The following VEGFC variants were observed in gnomAD, a reference collection of about 807,000 sequenced individuals.
The protein encoded by VEGFC is FLT4 ligand DHM.
VEGFC carries 12 observed loss-of-function variants against 46.1 expected under a neutral mutation model. The observed-to-expected ratio is 0.26, with a 90% CI of 0.17 to 0.42. The LOEUF (loss-of-function observed/expected upper bound fraction) is 0.42. Ranked by LOEUF, VEGFC falls within the 10% of genes least tolerant of loss-of-function variation. The pLI, the probability that VEGFC is intolerant of heterozygous loss-of-function variation, is 1.00. For missense variants in VEGFC, 488 were observed against 529.4 expected (o/e 0.92, Z 0.77); for synonymous variants, 232 against 195.5 (o/e 1.19, Z -1.56).
chr4:176,768,639 T>C (rs1735673798), intron 1 of VEGFC, among the ~76,000 whole-genome samples: 1 of 151,558 alleles, frequency 6.6e-6, no homozygotes, highest in Non-Finnish European at 1.5e-5. Context: ...GAGAACACCT[T>C]TGGTATGCAA....
intron 1 of VEGFC, among the ~76,000 whole-genome samples, chr4:176,770,423 A>ATATAT: frequency 3.9e-5 from 6 of 152,028 alleles, no homozygotes; most frequent in African/African-American, 1.2e-4. Context: ...TTTTTGTGGA[A>ATATAT]ACAGTTTAAG....
chr4:176,772,329 A>G (rs1439438544), intron 1 of VEGFC, among the ~76,000 whole-genome samples: 1 of 152,134 alleles, frequency 6.6e-6, no homozygotes, highest in Non-Finnish European at 1.5e-5. Flanking sequence ...TTAAGTTCTC[A>G]TGTTTTATAA....
chr4:176,690,877 T>A (rs913082846), intron 4 of VEGFC, among the ~76,000 whole-genome samples: 4 of 152,214 alleles, frequency 2.6e-5, no homozygotes, highest in Admixed American at 1.3e-4. Flanking sequence ...TCTTTCATTT[T>A]ACCAACATGT....
intron 1 of VEGFC, among the ~76,000 whole-genome samples, chr4:176,771,576 T>G (rs190164404): frequency 6.6e-6 from 1 of 152,314 alleles, no homozygotes; most frequent in Admixed American, 6.5e-5. Context: ...TTTTCCATTT[T>G]TGTATTTCTT....
chr4:176,780,282 G>A (rs1351559319), intron 1 of VEGFC, among the ~76,000 whole-genome samples: 1 of 150,932 alleles, frequency 6.6e-6, no homozygotes, highest in Non-Finnish European at 1.5e-5. Context: ...TCAGAAGGCT[G>A]AAGCAGGGAG....
chr4:176,692,039 G>T (rs1395307578), intron 4 of VEGFC, among the ~76,000 whole-genome samples: 2 of 152,006 alleles, frequency 1.3e-5, no homozygotes, highest in South Asian at 2.1e-4. Flanking sequence ...AGGGGTGAGG[G>T]GCAGCACCTG....
At chr4:176,710,692 G>A (rs964230444) in intron 4 of VEGFC, among the ~76,000 whole-genome samples, 14 of 152,080 alleles carry the variant, frequency 9.2e-5, no homozygotes, top group African/African-American at 3.4e-4. Flanking sequence ...CATATGCACC[G>A]GATATCCTAA....
intron 4 of VEGFC, among the ~76,000 whole-genome samples, chr4:176,703,398 T>C (rs1579095451): frequency 6.6e-6 from 1 of 152,160 alleles, no homozygotes. Flanking sequence ...TCTCATGTTC[T>C]CACTCATTTA....
chr4:176,684,495 C>T (rs1413732916), intron 6 of VEGFC, among the ~76,000 whole-genome samples: 2 of 152,128 alleles, frequency 1.3e-5, no homozygotes, highest in Non-Finnish European at 2.9e-5. Context: ...TGAGCAGCCC[C>T]ACCCTCACTC....
chr4:176,755,721 A>G (rs1245370066), intron 1 of VEGFC, among the ~76,000 whole-genome samples: 1 of 152,096 alleles, frequency 6.6e-6, no homozygotes, highest in African/African-American at 2.4e-5. Context: ...TCCTACTGAT[A>G]CACATATTTG....
chr4:176,693,112 A>G (rs1423716916), intron 4 of VEGFC, among the ~76,000 whole-genome samples: 1 of 152,194 alleles, frequency 6.6e-6, no homozygotes, highest in East Asian at 1.9e-4. Flanking sequence ...CAGCAATGGA[A>G]CAAAGCTGGA....
chr4:176,757,360 G>T (rs748991094), intron 1 of VEGFC, among the ~76,000 whole-genome samples: 1 of 151,956 alleles, frequency 6.6e-6, no homozygotes, highest in Non-Finnish European at 1.5e-5. Context: ...CTAGATCTGT[G>T]ATAAAAGCTT....
At chr4:176,709,342 T>C (rs745467992) in intron 4 of VEGFC, among the ~76,000 whole-genome samples, 3 of 152,102 alleles carry the variant, frequency 2.0e-5, no homozygotes, top group Non-Finnish European at 4.4e-5. Flanking sequence ...TATTTTTGAG[T>C]GTTGTTAGCT....
intron 4 of VEGFC, among the ~76,000 whole-genome samples, chr4:176,697,196 C>G (rs1452375657): frequency 6.6e-6 from 1 of 151,132 alleles, no homozygotes; most frequent in Non-Finnish European, 1.5e-5. Flanking sequence ...AGTGAACAGG[C>G]AACCTACAAA....
In VEGFC at chr4:176,692,633, A is replaced by G. The variant is rs1188980244; in HGVS notation, c.705-4706T>C. Among the ~76,000 whole-genome samples, 10 of 144,276 alleles carry G rather than the reference A, an allele frequency of 6.9e-5. No homozygotes were observed. The East Asian group carries it at 2.0e-3, about 28-fold the overall frequency. 94.7% of individuals were successfully genotyped at this position (144,276 alleles called of 152,430 possible). A position where few individuals can be genotyped will look rare whatever the true frequency, so the allele number is the denominator to read the frequency against. On this transcript the variant is annotated intron_variant, in intron 4 of 6. Coordinates refer to ENST00000618562, the MANE Select transcript of VEGFC (RefSeq NM_005429.5). ...ACTGGGTGGAGCCCACCACAGCTCA[A>G]GGAGGCCTGCCTGCCTCTGTAGGCT...
At position 176,747,113 on chromosome 4, in the gene VEGFC, T is replaced by C. The variant is rs138048323; in HGVS notation, c.148-17367A>G. On this transcript the variant is annotated intron_variant, in intron 1 of 6. Transcript: ENST00000618562. The stretch of plus-strand genomic sequence containing the variant: ...GCTTTGACATCATGGAAATATATCA[T>C]GGGATTGTATCCTGTTACATCATGC... Among the ~76,000 whole-genome samples, 294 of 152,244 alleles carry C rather than the reference T, an allele frequency of 1.9e-3. 2 individuals carry two copies. The highest frequency in any genetic ancestry group is 6.8e-3 in the African/African-American group (282 of 41,566).
Position 176,785,633 on chromosome 4 carries a change from TC to T in VEGFC, c.147+6531del, listed in dbSNP as rs549888864. Among the ~76,000 whole-genome samples the T allele has an allele frequency of 1.1e-3, 68 of 63,338 alleles. No individual in the cohort carries two copies. The East Asian group carries it at 0.39, about 366-fold the overall frequency. The allele number at this position is 63,338 out of a possible 152,430, so 41.6% of individuals were successfully genotyped here. A position where few individuals can be genotyped will look rare whatever the true frequency, so the allele number is the denominator to read the frequency against. On this transcript the variant is annotated intron_variant, in intron 1 of 6. Coordinates refer to ENST00000618562, the MANE Select transcript of VEGFC (RefSeq NM_005429.5). ...CCAGGACACTTTAGGGTTCTCTCCT[TC>T]TCTTTTTTTTCAATTGCCCACTGAC...
At chr4:176,709,929 T>C (rs951301131) in intron 4 of VEGFC, among the ~76,000 whole-genome samples, 1 of 152,114 alleles carries the variant, frequency 6.6e-6, no homozygotes, top group Non-Finnish European at 1.5e-5. Flanking sequence ...AAATGAAATA[T>C]AAGTTTAGCT....
At chr4:176,790,150 G>A (rs1736066709) in intron 1 of VEGFC, among the ~76,000 whole-genome samples, 2 of 152,150 alleles carry the variant, frequency 1.3e-5, no homozygotes, top group Admixed American at 6.5e-5. Flanking sequence ...CAGTTTCACT[G>A]AATGCATTAA....
Sources: allele counts gnomAD v4.1 joint callset (sites outside exome capture counted in the v4.1 genomes callset), GRCh38; gene constraint gnomAD v4.1.1; transcripts MANE v1.5; gene names NCBI Gene and HGNC (gene_info 2026-07-23, HGNC 2026-07-21).